NYAP2: variants seen among roughly 807,000 people sequenced by gnomAD.
The protein encoded by NYAP2 is neuronal tyrosine-phosphorylated phosphoinositide-3-kinase adapter 2.
In NYAP2, 23 loss-of-function variants were observed where a neutral mutation model predicts 50.4. That is an observed-to-expected ratio of 0.46 (90% confidence interval 0.33 to 0.65). The LOEUF is 0.65. Among genes scored for constraint, NYAP2 ranks in the 30% least tolerant of loss-of-function variants. The probability of loss-of-function intolerance (pLI) is 0.02; values close to 1 mark genes in which losing one functional copy is unlikely to be tolerated. For missense variants in NYAP2, 885 were observed against 861.0 expected, an observed-to-expected ratio of 1.03 and a Z score of -0.35; for synonymous variants, 394 against 365.2, an observed-to-expected ratio of 1.08 and a Z score of -0.90.
intron 2 of NYAP2, among the ~76,000 whole-genome samples, chr2:225,408,068 T>C (rs973546053): frequency 1.3e-5 from 2 of 152,104 alleles, no homozygotes; most frequent in Middle Eastern, 3.4e-3. Context: ...GAGTAATATA[T>C]ACTAGTTGAA....
At chr2:225,547,443 C>G (rs1691604422) in intron 4 of NYAP2, among the ~76,000 whole-genome samples, 1 of 152,190 alleles carries the variant, frequency 6.6e-6, no homozygotes. Context: ...ATTAAGGACT[C>G]AAGAGCACGT....
intron 4 of NYAP2, among the ~76,000 whole-genome samples, chr2:225,580,850 AC>A (rs1031588092): frequency 6.6e-6 from 1 of 152,028 alleles, no homozygotes; most frequent in Admixed American, 6.6e-5. Context: ...TCACAGTCTT[AC>A]AACTCTAAGT....
intron 3 of NYAP2, among the ~76,000 whole-genome samples, chr2:225,488,455 C>A (rs1194638599): frequency 6.6e-6 from 1 of 152,080 alleles, no homozygotes; most frequent in Non-Finnish European, 1.5e-5. Flanking sequence ...CTCACTGCAA[C>A]CTCTGACTCC....
At chr2:225,646,480 G>A (rs1693637742) in intron 6 of NYAP2, among the ~76,000 whole-genome samples, 1 of 152,192 alleles carries the variant, frequency 6.6e-6, no homozygotes, top group African/African-American at 2.4e-5. Flanking sequence ...GAACCTGGGA[G>A]GCAGAGATTG....
chr2:225,413,212 C>T (rs1226207349), intron 3 of NYAP2, among the ~76,000 whole-genome samples: 1 of 151,956 alleles, frequency 6.6e-6, no homozygotes, highest in Non-Finnish European at 1.5e-5. Flanking sequence ...CTTTCTTTTC[C>T]AAAATCAGGA....
chr2:225,599,286 A>C (rs1441176290), intron 5 of NYAP2, among the ~76,000 whole-genome samples: 1 of 152,194 alleles, frequency 6.6e-6, no homozygotes, highest in African/African-American at 2.4e-5. Flanking sequence ...AAAAGCACTC[A>C]CTTGCATTCA....
chr2:225,412,129 T>C (rs1182288849), intron 3 of NYAP2, among the ~76,000 whole-genome samples: 1 of 150,728 alleles, frequency 6.6e-6, no homozygotes, highest in African/African-American at 2.4e-5. Context: ...CAGCTAATTT[T>C]TGTATTTTTA....
intron 3 of NYAP2, among the ~76,000 whole-genome samples, chr2:225,431,883 C>T (rs546449291): frequency 3.3e-5 from 5 of 152,290 alleles, no homozygotes; most frequent in African/African-American, 4.8e-5. Context: ...ACTTACATGA[C>T]GTGTGACAAA....
At chr2:225,663,600 C>A in the NYAP2 span, among the ~76,000 whole-genome samples, 1 of 152,114 alleles carries the variant, frequency 6.6e-6, no homozygotes, top group East Asian at 1.9e-4. Flanking sequence ...CTGTGTCACC[C>A]AGGCTGGAGT....
At chr2:225,642,666 T>C (rs964809164) in intron 6 of NYAP2, among the ~76,000 whole-genome samples, 20 of 152,170 alleles carry the variant, frequency 1.3e-4, no homozygotes, top group Non-Finnish European at 2.4e-4. Flanking sequence ...GAATAATCGA[T>C]TGGACAGACT....
chr2:225,454,665 G>A (rs1418692325), intron 3 of NYAP2, among the ~76,000 whole-genome samples: 1 of 152,132 alleles, frequency 6.6e-6, no homozygotes, highest in Non-Finnish European at 1.5e-5. Flanking sequence ...TCTCATAGGA[G>A]CATGAACCCT....
chr2:225,446,599 A>G (rs1689569293), intron 3 of NYAP2, among the ~76,000 whole-genome samples: 1 of 152,130 alleles, frequency 6.6e-6, no homozygotes, highest in Non-Finnish European at 1.5e-5. Flanking sequence ...CACAGGCTAG[A>G]ATTGCAAGAC....
At chr2:225,498,791 C>A (rs991486024) in intron 3 of NYAP2, among the ~76,000 whole-genome samples, 1 of 152,048 alleles carries the variant, frequency 6.6e-6, no homozygotes, top group Non-Finnish European at 1.5e-5. Context: ...TGTCAAATTT[C>A]TTGGAAGCAT....
intron 5 of NYAP2, among the ~76,000 whole-genome samples, chr2:225,606,414 A>G (rs1276134069): frequency 6.6e-6 from 1 of 152,166 alleles, no homozygotes; most frequent in Non-Finnish European, 1.5e-5. Context: ...AGCCCATGCA[A>G]CAGGAACTTC....
At chr2:225,508,408 T>A (rs1690749388) in intron 3 of NYAP2, among the ~76,000 whole-genome samples, 1 of 152,164 alleles carries the variant, frequency 6.6e-6, no homozygotes, top group Non-Finnish European at 1.5e-5. Flanking sequence ...TCGTGATGCC[T>A]TCTCTTTCCC....
intron 4 of NYAP2, among the ~76,000 whole-genome samples, chr2:225,548,129 C>G (rs960459168): frequency 6.6e-6 from 1 of 151,750 alleles, no homozygotes; most frequent in Non-Finnish European, 1.5e-5. Flanking sequence ...CTAGTAATTA[C>G]TTACCCCACT....
chr2:225,634,338 G>A (rs1033526853), intron 6 of NYAP2, among the ~76,000 whole-genome samples: 2 of 152,010 alleles, frequency 1.3e-5, no homozygotes, highest in East Asian at 3.9e-4. Flanking sequence ...CTTTGTGCTC[G>A]AACAGTAGAC....
chr2:225,603,036 C>T (rs1234798924), intron 5 of NYAP2, among the ~76,000 whole-genome samples: 2 of 151,932 alleles, frequency 1.3e-5, no homozygotes, highest in East Asian at 3.9e-4. Context: ...AGATACATTG[C>T]TTTGCTTAGA....
chr2:225,670,782 G>C, the NYAP2 span, among the ~76,000 whole-genome samples: 5 of 151,948 alleles, frequency 3.3e-5, no homozygotes, highest in Non-Finnish European at 7.4e-5. Context: ...AGGTATCATG[G>C]GTTCAATTCC....
Sources: gnomAD v4.1 joint callset for allele counts (sites outside exome capture counted in the v4.1 genomes callset) on GRCh38, gnomAD v4.1.1 for gene constraint, MANE v1.5 for transcripts, NCBI Gene and HGNC (gene_info 2026-07-23, HGNC 2026-07-21) for gene names.